LEPR: variants seen among roughly 807,000 people sequenced by gnomAD.
The protein encoded by LEPR is leptin receptor.
In LEPR, 56 loss-of-function variants were observed where a neutral mutation model predicts 114.7. That is an observed-to-expected ratio of 0.49 (90% CI 0.39 to 0.61). The LOEUF (loss-of-function observed/expected upper bound fraction) is 0.61. Among genes scored for constraint, LEPR ranks in the 20% least tolerant of loss-of-function variants. The probability of loss-of-function intolerance (pLI) is 0.00; values close to 1 mark genes in which losing one functional copy is unlikely to be tolerated. For synonymous variants in LEPR, 443 were observed against 461.4 expected (o/e 0.96, Z 0.51); for missense variants, 1,202 against 1,352.9 (o/e 0.89, Z 1.75).
intron 3 of LEPR, among the ~76,000 whole-genome samples, 181 bp from the exon 4 acceptor site, chr1:65,570,292 C>A (rs1654063163): frequency 6.6e-6 from 1 of 152,190 alleles, no homozygotes; most frequent in Non-Finnish European, 1.5e-5. Context: ...CAAATGAATG[C>A]ATCCTCTTGA....
intron 19 of LEPR, among the ~76,000 whole-genome samples, chr1:65,632,182 A>G (rs1170539316): frequency 6.6e-6 from 1 of 152,048 alleles, no homozygotes; most frequent in East Asian, 1.9e-4. Context: ...CACCATCCTC[A>G]CAGATCTGAA....
chr1:65,627,700 G>A (rs888338334), intron 19 of LEPR, among the ~76,000 whole-genome samples: 1 of 152,076 alleles, frequency 6.6e-6, no homozygotes, highest in Non-Finnish European at 1.5e-5. Flanking sequence ...AAATGTGAAA[G>A]TAACCCAAAT....
intron 2 of LEPR, among the ~76,000 whole-genome samples, chr1:65,546,599 GCT>G (rs1178238976): frequency 1.3e-5 from 2 of 152,026 alleles, no homozygotes; most frequent in Non-Finnish European, 2.9e-5. Flanking sequence ...TCATGATTTG[GCT>G]CTCTGTTTGT....
chr1:65,627,610 G>C (rs1352301240), intron 19 of LEPR, among the ~76,000 whole-genome samples: 2 of 152,110 alleles, frequency 1.3e-5, no homozygotes, highest in African/African-American at 4.8e-5. Flanking sequence ...TCCTAGGTAT[G>C]TACTCAATAG....
At chr1:65,623,230 A>C in intron 19 of LEPR, 1 of 396,240 alleles carries the variant, frequency 2.5e-6, no homozygotes, top group Non-Finnish European at 4.5e-6. Flanking sequence ...TCTGTGTCAC[A>C]GTACATAATA....
intron 5 of LEPR, among the ~76,000 whole-genome samples, chr1:65,590,587 A>T (rs191718094): frequency 7.4e-6 from 1 of 135,578 alleles, no homozygotes; most frequent in African/African-American, 2.8e-5. Context: ...TGCTGCCACC[A>T]TGTTTGCATG....
chr1:65,440,278 T>G, intron 2 of LEPR, among the ~76,000 whole-genome samples: 1 of 151,972 alleles, frequency 6.6e-6, no homozygotes, highest in South Asian at 2.1e-4. Flanking sequence ...TATTATGTGC[T>G]CAACATAATT....
chr1:65,489,208 G>T (rs1647737576), intron 2 of LEPR, among the ~76,000 whole-genome samples: 1 of 152,188 alleles, frequency 6.6e-6, no homozygotes, highest in Admixed American at 6.5e-5. Context: ...TGCCATAGTG[G>T]CTGTACTAAT....
At chr1:65,617,865 C>T (rs543458373) in intron 15 of LEPR, 99 bp from the exon 16 acceptor site, 1 of 1,204,044 alleles carries the variant, frequency 8.3e-7, no homozygotes. Flanking sequence ...TCTGTCTTCT[C>T]TTCCTTATTC....
At chr1:65,540,583 A>G (rs145770123) in intron 2 of LEPR, among the ~76,000 whole-genome samples, 1,626 of 152,300 alleles carry the variant, frequency 0.011, 17 homozygotes, top group Middle Eastern at 0.017. Flanking sequence ...CCAGAAGCAG[A>G]TGCTGGCCTC....
At chr1:65,435,506 T>C (rs955070122) in intron 2 of LEPR, 3 of 385,184 alleles carry the variant, frequency 7.8e-6, no homozygotes, top group Non-Finnish European at 1.1e-5. Flanking sequence ...GAGCTGGGAC[T>C]ACAGGCTCCC....
At chr1:65,624,633 T>TA (rs1236653530) in intron 19 of LEPR, among the ~76,000 whole-genome samples, 17 of 152,328 alleles carry the variant, frequency 1.1e-4, no homozygotes, top group African/African-American at 3.6e-4. Flanking sequence ...AAATGAAAGA[T>TA]ACGCAAAGCA....
In LEPR at chr1:65,638,421, A is replaced by G. The variant is rs755392674; in HGVS notation, c.*1406A>G. 1 of 152,176 alleles carries G rather than the reference A, an allele frequency of 6.6e-6. No homozygotes were observed. Among genetic ancestry groups the G allele is most frequent in the African/African-American group, 2.4e-5 (1 of 41,442 alleles). The allele number at this position is 152,176 out of a possible 1,614,324, so 9.4% of individuals were successfully genotyped here. A position where few individuals can be genotyped will look rare whatever the true frequency, so the allele number is the denominator to read the frequency against. On this transcript the variant is annotated 3_prime_UTR_variant, in exon 20 of 20. Transcript: ENST00000349533. Reference sequence around the variant, plus strand: ...TAAATTAAGAAACCTGCACATTTGGATGTTCAGTGGCAAGAAGACCTTCAA... The same window carrying G: ...TAAATTAAGAAACCTGCACATTTGGGTGTTCAGTGGCAAGAAGACCTTCAA...
chr1:65,596,305 C>A, intron 6 of LEPR, 143 bp from the exon 7 acceptor site: 1 of 976,536 alleles, frequency 1.0e-6, no homozygotes, highest in Non-Finnish European at 1.5e-6. Flanking sequence ...TGTTTCGGTT[C>A]TATAATTAGT....
chr1:65,570,900 A>T, intron 4 of LEPR, 98 bp downstream of exon 4: 1 of 1,041,136 alleles, frequency 9.6e-7, no homozygotes, highest in Non-Finnish European at 1.3e-6. Flanking sequence ...TTTAACATAC[A>T]TAATCATTTT....
chr1:65,558,552 T>TG lies in LEPR; in HGVS notation c.-20-6994_-20-6993insG, dbSNP rs1355747665. Among the ~76,000 whole-genome samples, 65 of 83,832 alleles carry TG rather than the reference T, an allele frequency of 7.8e-4. 1 individual carries two copies. Among genetic ancestry groups the TG allele is most frequent in the African/African-American group, 2.7e-3 (61 of 22,876 alleles). 55.0% of individuals were successfully genotyped at this position (83,832 alleles called of 152,430 possible). ...TTTTTTTTTTTGTTTTTTTTTTGTT[T>TG]TTTTTTTTTTTTATACTTTAAGTTT... On this transcript the variant is annotated intron_variant, in intron 2 of 19. Transcript: ENST00000349533.
At chr1:65,552,634 A>C (rs1448215055) in intron 2 of LEPR, among the ~76,000 whole-genome samples, 2 of 152,218 alleles carry the variant, frequency 1.3e-5, no homozygotes, top group South Asian at 2.1e-4. Context: ...TGGTCTCCTG[A>C]ATACAGCACA....
intron 2 of LEPR, among the ~76,000 whole-genome samples, chr1:65,500,029 G>T (rs550403642): frequency 7.4e-4 from 113 of 152,086 alleles, no homozygotes; most frequent in Non-Finnish European, 1.4e-3. Context: ...CCTGCATGCT[G>T]CTCTCATAAT....
chr1:65,609,881 C>A, intron 12 of LEPR, 66 bp from the exon 13 acceptor site: 1 of 1,605,544 alleles, frequency 6.2e-7, no homozygotes, highest in South Asian at 1.1e-5. Flanking sequence ...ATAAAATGTA[C>A]TTCAGGGCCC....
Sources: allele counts gnomAD v4.1 joint callset (sites outside exome capture counted in the v4.1 genomes callset), GRCh38; gene constraint gnomAD v4.1.1; transcripts MANE v1.5; gene names NCBI Gene and HGNC (gene_info 2026-07-23, HGNC 2026-07-21).